PTPRD: variants seen among roughly 807,000 people sequenced by gnomAD.
PTPRD encodes the protein protein tyrosine phosphatase receptor type D.
In PTPRD, 34 loss-of-function variants were observed where a neutral mutation model predicts 214.5. The observed-to-expected ratio is 0.16, with a 90% CI of 0.12 to 0.21. The LOEUF (loss-of-function observed/expected upper bound fraction) is 0.21. Among genes scored for constraint, PTPRD ranks in the 10% least tolerant of loss-of-function variants. PTPRD has a pLI of 1.00. For synonymous variants in PTPRD, 1,128 were observed against 845.7 expected (o/e 1.33, Z -5.79); for missense variants, 2,545 against 2,398.7 (o/e 1.06, Z -1.27).
At chr9:10,576,477 G>C (rs539121296) in intron 2 of PTPRD, among the ~76,000 whole-genome samples, 1 of 152,164 alleles carries the variant, frequency 6.6e-6, no homozygotes, top group Admixed American at 6.6e-5. Flanking sequence ...CAGGGTCCAC[G>C]TAAAAGGCTG....
chr9:9,650,948 T>C (rs2096327174), intron 7 of PTPRD, among the ~76,000 whole-genome samples: 1 of 152,214 alleles, frequency 6.6e-6, no homozygotes, highest in South Asian at 2.1e-4. Flanking sequence ...TTCTAGAGTG[T>C]ATAAAACATA....
At chr9:9,173,075 C>T (rs1223944225) in intron 10 of PTPRD, among the ~76,000 whole-genome samples, 2 of 152,118 alleles carry the variant, frequency 1.3e-5, no homozygotes, top group Admixed American at 1.3e-4. Flanking sequence ...GACTTTCACT[C>T]CAGACACGTG....
At chr9:9,100,394 C>G (rs1489544809) in intron 10 of PTPRD, among the ~76,000 whole-genome samples, 1 of 152,092 alleles carries the variant, frequency 6.6e-6, no homozygotes, top group Non-Finnish European at 1.5e-5. Flanking sequence ...GAAAATGTAT[C>G]TGTAGTGACA....
At chr9:8,337,938 G>C (rs930255331) in intron 43 of PTPRD, among the ~76,000 whole-genome samples, 2 of 151,538 alleles carry the variant, frequency 1.3e-5, no homozygotes, top group East Asian at 1.9e-4. Flanking sequence ...CTGCTGCCTT[G>C]AATACTGTCA....
At chr9:8,809,042 A>G (rs6477355) in intron 11 of PTPRD, among the ~76,000 whole-genome samples, 115,274 of 151,438 alleles carry the variant, frequency 0.76, 44,021 homozygotes, top group African/African-American at 0.82. Flanking sequence ...TGTCCAGTGA[A>G]ACTAACTAAG....
Position 9,935,610 on chromosome 9 carries a change from A to C in PTPRD, c.-368+2897T>G, listed in dbSNP as rs1027199670. Among the ~76,000 whole-genome samples, 535 of 151,102 alleles carry C rather than the reference A, an allele frequency of 3.5e-3. 1 individual carries two copies. Among genetic ancestry groups the C allele is most frequent in the Non-Finnish European group, 6.5e-3 (442 of 67,994 alleles). ...ACAAATGGAAGAACATTCCATGCTC[A>C]TGGGTAGGAACAATCAATATCGTGA... On this transcript the variant is annotated intron_variant, in intron 5 of 45. Transcript: ENST00000381196.
rs2074444921 is a variant in PTPRD at position 8,527,330 on chromosome 9, G to C, written c.550+15C>G. On this transcript the variant is annotated intron_variant, in intron 16 of 45. Coordinates refer to ENST00000381196, the MANE Select transcript of PTPRD (RefSeq NM_002839.4). ...ATTAGTGGGGTTGAAGTGCGCTTCA[G>C]AACTAAGCACTTACCAATAGATTCT... The C allele has an allele frequency of 6.2e-7, 1 of 1,606,510 alleles. No homozygotes were observed. Among genetic ancestry groups the C allele is most frequent in the South Asian group, 1.1e-5 (1 of 89,802 alleles).
intron 8 of PTPRD, among the ~76,000 whole-genome samples, chr9:9,419,974 G>C (rs1010566773): frequency 6.6e-6 from 1 of 151,538 alleles, no homozygotes; most frequent in Non-Finnish European, 1.5e-5. Context: ...ACTTTCATAT[G>C]TAATATCTAA....
intron 10 of PTPRD, among the ~76,000 whole-genome samples, chr9:9,031,999 T>C (rs75372853): frequency 0.036 from 5,355 of 150,806 alleles, 132 homozygotes; most frequent in Middle Eastern, 0.058. Flanking sequence ...TGGTTAGGTT[T>C]TATTTGAACT....
intron 39 of PTPRD, among the ~76,000 whole-genome samples, chr9:8,371,967 C>T (rs922843712): frequency 6.6e-6 from 1 of 151,982 alleles, no homozygotes. Context: ...CAATGATAAG[C>T]AGTTCACACC....
rs750561645 is a variant in PTPRD at position 8,317,880 on chromosome 9, T to C, written c.5733A>G (p.Ala1911=). 2.5e-6 allele frequency: 4 copies of C among 1,612,168 alleles called. No individual in the cohort carries two copies. The South Asian group carries it at 4.4e-5, about 18-fold the overall frequency. Residue 1911 remains alanine, a synonymous_variant, in exon 46 of 46, where the codon GCA becomes GCG. Coordinates refer to ENST00000381196, the MANE Select transcript of PTPRD (RefSeq NM_002839.4). ...CAGAATGGGTCAGGGGTTTCTACGT[T>C]GCATAGTGGTCAAAGCTGCCCAGGT... is the stretch of plus-strand genomic sequence containing the variant. ...LEYLGSFDHY[A]T
At chr9:10,586,774 C>A (rs1170528160) in intron 2 of PTPRD, among the ~76,000 whole-genome samples, 1 of 119,588 alleles carries the variant, frequency 8.4e-6, no homozygotes. Flanking sequence ...TACATGCTCA[C>A]TTATAGACAA....
rs181830121 is a variant in PTPRD, at chr9:8,625,853, C to T, written c.352+7464G>A. Among the ~76,000 whole-genome samples the T allele has an allele frequency of 1.7e-4, 25 of 150,926 alleles. 1 individual carries two copies. The highest frequency in any genetic ancestry group is 1.5e-3 in the Admixed American group (22 of 15,148). On this transcript the variant is annotated intron_variant, in intron 14 of 45. Coordinates refer to ENST00000381196, the MANE Select transcript of PTPRD (RefSeq NM_002839.4). Reference sequence around the variant, plus strand: ...AGTCTTGAAATGATATGACTATTCCCCGATTGCCCAGTAGTTAAAAAAAAA... The same window carrying T: ...AGTCTTGAAATGATATGACTATTCCTCGATTGCCCAGTAGTTAAAAAAAAA...
intron 5 of PTPRD, among the ~76,000 whole-genome samples, chr9:9,837,478 T>C (rs2057105658): frequency 1.3e-5 from 2 of 152,092 alleles, no homozygotes; most frequent in Non-Finnish European, 2.9e-5. Flanking sequence ...TGATGGGAAG[T>C]AGGTCCAGTG....
chr9:8,890,774 C>T (rs1351607097), intron 11 of PTPRD, among the ~76,000 whole-genome samples: 2 of 152,100 alleles, frequency 1.3e-5, no homozygotes, highest in East Asian at 3.9e-4. Flanking sequence ...TCTATTTTTC[C>T]AAAAGCATTG....
intron 9 of PTPRD, among the ~76,000 whole-genome samples, chr9:9,360,737 T>C (rs1208217535): frequency 1.3e-5 from 2 of 151,208 alleles, no homozygotes; most frequent in Non-Finnish European, 3.0e-5. Flanking sequence ...TAAATAATGG[T>C]AAATTCCTGC....
intron 2 of PTPRD, among the ~76,000 whole-genome samples, chr9:10,452,290 A>AC (rs2098846886): frequency 6.6e-6 from 1 of 151,906 alleles, no homozygotes; most frequent in Admixed American, 6.6e-5. Flanking sequence ...ACATGGGGGT[A>AC]CAGACATATT....
intron 3 of PTPRD, among the ~76,000 whole-genome samples, chr9:10,034,406 ACTTTTT>A (rs369103883): frequency 0.15 from 15,762 of 103,158 alleles, 1,335 homozygotes; most frequent in East Asian, 0.5. Context: ...TCCTGGCTCT[ACTTTTT>A]TTTTTTTTTT....
At chr9:9,849,661 C>A (rs879902365) in intron 5 of PTPRD, among the ~76,000 whole-genome samples, 1 of 152,036 alleles carries the variant, frequency 6.6e-6, no homozygotes, top group Non-Finnish European at 1.5e-5. Context: ...TCTTGACTGG[C>A]ATTTTAATAT....
Sources: allele counts gnomAD v4.1 joint callset (sites outside exome capture counted in the v4.1 genomes callset), GRCh38; gene constraint gnomAD v4.1.1; transcripts MANE v1.5; gene names NCBI Gene and HGNC (gene_info 2026-07-23, HGNC 2026-07-21).